The following SNTB1 variants were observed in gnomAD, a reference collection of about 807,000 sequenced individuals.
SNTB1 encodes syntrophin beta 1, also known as beta-1-syntrophin.
A neutral mutation model predicts 48.9 loss-of-function variants in SNTB1; 36 were observed. That is an observed-to-expected ratio of 0.74 (90% CI 0.56 to 0.97). The LOEUF (loss-of-function observed/expected upper bound fraction) is 0.97. Among genes scored for constraint, SNTB1 ranks in the 50% least tolerant of loss-of-function variants. SNTB1 has a pLI of 0.00. For synonymous variants in SNTB1, 299 were observed against 294.6 expected, an observed-to-expected ratio of 1.01 and a Z score of -0.15; for missense variants, 786 against 703.4, an observed-to-expected ratio of 1.12 and a Z score of -1.33.
In SNTB1 at chr8:120,632,473, T is replaced by C. The variant is rs759414482; in HGVS notation, c.967A>G (p.Ile323Val). The C allele has an allele frequency of 2.5e-6, 4 of 1,614,094 alleles. No homozygotes were observed. The Admixed American group carries it at 5.0e-5, about 20-fold the overall frequency. ...GKTGIAGSRE[I>V]RHLGWLAEKV... ...TCTGCAAGCCAGCCAAGATGCCTAA[T>C]CTCTCGGCTCCCAGCAATGCCTGTT... Residue 323 changes from isoleucine to valine, a missense_variant, in exon 3 of 7, where the codon ATT (isoleucine) becomes GTT (valine). Coordinates refer to ENST00000517992, the MANE Select transcript of SNTB1 (RefSeq NM_021021.4).
chr8:120,617,837 C>T (rs10103010), intron 3 of SNTB1, among the ~76,000 whole-genome samples: 57,973 of 152,070 alleles, frequency 0.38, 12,854 homozygotes, highest in African/African-American at 0.62. Context: ...AAGGGGGATG[C>T]CCATGTGACT....
intron 5 of SNTB1, among the ~76,000 whole-genome samples, chr8:120,543,471 C>T (rs1254558716): frequency 6.6e-6 from 1 of 152,082 alleles, no homozygotes; most frequent in Non-Finnish European, 1.5e-5. Context: ...GAACACGGCC[C>T]AATATTATAG....
At chr8:120,605,993 C>G (rs371176600) in intron 3 of SNTB1, among the ~76,000 whole-genome samples, 1 of 152,028 alleles carries the variant, frequency 6.6e-6, no homozygotes, top group African/African-American at 2.4e-5. Context: ...CGCCCCTACT[C>G]GTCCCTGCAT....
chr8:120,686,186 C>G (rs1181122268), intron 2 of SNTB1, among the ~76,000 whole-genome samples: 5 of 152,246 alleles, frequency 3.3e-5, no homozygotes, highest in African/African-American at 1.2e-4. Context: ...TTCTTCCAGC[C>G]TCTACCCATT....
chr8:120,734,605 A>G (rs1818911744), intron 1 of SNTB1, among the ~76,000 whole-genome samples: 1 of 152,168 alleles, frequency 6.6e-6, no homozygotes, highest in Non-Finnish European at 1.5e-5. Context: ...AGAGGATAAG[A>G]CCGATGGAAA....
rs569071362 is a variant in SNTB1 at position 120,587,417 on chromosome 8, C to T, written c.997-12192G>A. 2.6e-5 allele frequency among the ~76,000 whole-genome samples: 4 copies of T among 152,324 alleles called. No individual in the cohort carries two copies. In the South Asian group the frequency reaches 8.3e-4, roughly 32 times the overall value. On this transcript the variant is annotated intron_variant, in intron 3 of 6. Transcript: ENST00000517992. ...CTCTGGCCCCAACCCACTACCCATT[C>T]CCCACTCCTTTACTAATTCCTTCTA...
intron 3 of SNTB1, among the ~76,000 whole-genome samples, chr8:120,596,239 C>T (rs532314713): frequency 6.6e-6 from 1 of 152,246 alleles, no homozygotes; most frequent in South Asian, 2.1e-4. Flanking sequence ...TTAAGGCACA[C>T]ATTCACAAAG....
At chr8:120,581,213 G>A (rs895964022) in intron 3 of SNTB1, among the ~76,000 whole-genome samples, 1 of 151,946 alleles carries the variant, frequency 6.6e-6, no homozygotes, top group Non-Finnish European at 1.5e-5. Context: ...AAGAAGAAAA[G>A]TGCTCTATGG....
chr8:120,652,063 G>A (rs886775963), intron 2 of SNTB1, among the ~76,000 whole-genome samples: 6 of 152,136 alleles, frequency 3.9e-5, no homozygotes, highest in Non-Finnish European at 7.4e-5. Context: ...TGTTCCAGGC[G>A]CATTTATCAT....
At chr8:120,619,561 C>T (rs1816762746) in intron 3 of SNTB1, among the ~76,000 whole-genome samples, 1 of 152,148 alleles carries the variant, frequency 6.6e-6, no homozygotes, top group South Asian at 2.1e-4. Flanking sequence ...TCTTTGGAAA[C>T]CCCATTTCAC....
chr8:120,583,960 T>C (rs1816091140), intron 3 of SNTB1, among the ~76,000 whole-genome samples: 1 of 152,086 alleles, frequency 6.6e-6, no homozygotes, highest in Admixed American at 6.6e-5. Flanking sequence ...TAAAAATCAA[T>C]CAATACTTAA....
intron 4 of SNTB1, among the ~76,000 whole-genome samples, chr8:120,572,849 A>T (rs974636748): frequency 3.9e-5 from 6 of 152,222 alleles, no homozygotes; most frequent in Non-Finnish European, 8.8e-5. Flanking sequence ...CGGGAGGCAG[A>T]GGTTGCAGTG....
chr8:120,694,359 G>A (rs929820632), intron 1 of SNTB1, among the ~76,000 whole-genome samples: 68 of 152,154 alleles, frequency 4.5e-4, no homozygotes, highest in African/African-American at 1.6e-3. Flanking sequence ...CAATTTAATA[G>A]TGTCAAGGAA....
At chr8:120,760,917 T>C in intron 1 of SNTB1, among the ~76,000 whole-genome samples, 1 of 151,856 alleles carries the variant, frequency 6.6e-6, no homozygotes, top group Admixed American at 6.6e-5. Context: ...CATGAAAAAA[T>C]ACCGTAAACA....
In SNTB1 at chr8:120,604,597, C is replaced by T. The variant is rs142891457; in HGVS notation, c.996+27847G>A. On this transcript the variant is annotated intron_variant, in intron 3 of 6. Transcript: ENST00000517992. Reference sequence around the variant, plus strand: ...TCTCAGGTAGCTGGGATTACAGGTGCGCACCACCATGCCCAGCTAATTTTT... The same window carrying T: ...TCTCAGGTAGCTGGGATTACAGGTGTGCACCACCATGCCCAGCTAATTTTT... Among the ~76,000 whole-genome samples, 975 of 151,932 alleles carry T rather than the reference C, an allele frequency of 6.4e-3. 12 individuals are homozygous for T. Among genetic ancestry groups the T allele is most frequent in the African/African-American group, 0.02 (811 of 41,422 alleles).
In SNTB1 at chr8:120,693,928, A is replaced by T. The variant is rs759283292; in HGVS notation, c.572-20T>A. ...ACTTCACTGCAAGGAAAAAGACAAC[A>T]AGTGCTTTTAATACATCACGGCTGA... On this transcript the variant is annotated intron_variant, in intron 1 of 6. Coordinates refer to ENST00000517992, the MANE Select transcript of SNTB1 (RefSeq NM_021021.4). The T allele has an allele frequency of 1.9e-6, 3 of 1,584,152 alleles. No individual in the cohort carries two copies. The South Asian group carries it at 3.3e-5, about 18-fold the overall frequency.
At chr8:120,540,244 C>T (rs1303368960) in intron 6 of SNTB1, among the ~76,000 whole-genome samples, 1 of 152,148 alleles carries the variant, frequency 6.6e-6, no homozygotes, top group African/African-American at 2.4e-5. Context: ...GGTCCCTTCC[C>T]CCTCCACACT....
intron 2 of SNTB1, among the ~76,000 whole-genome samples, chr8:120,636,709 G>GC (rs1188620916): frequency 6.6e-6 from 1 of 151,586 alleles, no homozygotes; most frequent in East Asian, 1.9e-4. Flanking sequence ...ACATACGTGT[G>GC]CATGTGTCTT....
intron 3 of SNTB1, among the ~76,000 whole-genome samples, chr8:120,631,122 G>GT (rs1816971882): frequency 6.6e-6 from 1 of 152,198 alleles, no homozygotes; most frequent in Non-Finnish European, 1.5e-5. Context: ...AGATCCTTGA[G>GT]TATCAGGCCT....
Sources: gnomAD v4.1 joint callset for allele counts (sites outside exome capture counted in the v4.1 genomes callset) on GRCh38, gnomAD v4.1.1 for gene constraint, MANE v1.5 for transcripts, NCBI Gene and HGNC (gene_info 2026-07-23, HGNC 2026-07-21) for gene names.